Variants in TAFA5 observed in about 807,000 individuals in gnomAD.
TAFA5 encodes the protein TAFA chemokine like family member 5.
TAFA5 carries 6 observed loss-of-function variants against 15.3 expected under a neutral mutation model. That is an observed-to-expected ratio of 0.39 (90% CI 0.21 to 0.77). The LOEUF (loss-of-function observed/expected upper bound fraction) is 0.77, where lower values mean the gene tolerates loss of function less well. Among genes scored for constraint, TAFA5 ranks in the 30% least tolerant of loss-of-function variants. The probability of loss-of-function intolerance (pLI) is 0.41; values close to 1 mark genes in which losing one functional copy is unlikely to be tolerated. For missense variants in TAFA5, 161 were observed against 193.1 expected, an observed-to-expected ratio of 0.83 and a Z score of 0.98; for synonymous variants, 103 against 80.7, an observed-to-expected ratio of 1.28 and a Z score of -1.48.
At chr22:48,622,894 C>G (rs1192909568) in intron 1 of TAFA5, among the ~76,000 whole-genome samples, 1 of 152,252 alleles carries the variant, frequency 6.6e-6, no homozygotes, top group Non-Finnish European at 1.5e-5. Context: ...ACCTTCCCAC[C>G]TGGGACTGCC....
chr22:48,700,048 C>T (rs981084640), intron 2 of TAFA5, among the ~76,000 whole-genome samples: 6 of 151,636 alleles, frequency 4.0e-5, no homozygotes, highest in Non-Finnish European at 7.4e-5. Flanking sequence ...ACACCATATA[C>T]ACACACACAC....
At chr22:48,551,801 G>A (rs974307023) in intron 1 of TAFA5, among the ~76,000 whole-genome samples, 5 of 152,168 alleles carry the variant, frequency 3.3e-5, no homozygotes, top group Admixed American at 2.0e-4. Flanking sequence ...CAGGAGAGCC[G>A]CACCTCTGCC....
At chr22:48,537,961 G>A (rs964781706) in intron 1 of TAFA5, among the ~76,000 whole-genome samples, 3 of 152,304 alleles carry the variant, frequency 2.0e-5, no homozygotes, top group East Asian at 3.9e-4. Context: ...TTTGGCGTGG[G>A]GATGCCATGG....
intron 2 of TAFA5, among the ~76,000 whole-genome samples, chr22:48,703,266 G>A (rs1489580239): frequency 1.3e-5 from 2 of 152,134 alleles, no homozygotes; most frequent in East Asian, 3.9e-4. Context: ...GCCAGGCATG[G>A]CAGCTACAGC....
intron 2 of TAFA5, among the ~76,000 whole-genome samples, chr22:48,651,793 C>T (rs929965795): frequency 2.0e-5 from 3 of 152,182 alleles, no homozygotes; most frequent in Non-Finnish European, 4.4e-5. Flanking sequence ...GTCCACAGCC[C>T]TGTCCTCATC....
At chr22:48,497,410 T>A (rs578122243) in intron 1 of TAFA5, among the ~76,000 whole-genome samples, 120 of 152,148 alleles carry the variant, frequency 7.9e-4, no homozygotes, top group African/African-American at 2.7e-3. Context: ...AAGACGGCAT[T>A]TCCGCCTCAG....
intron 1 of TAFA5, among the ~76,000 whole-genome samples, chr22:48,577,302 T>TC (rs1464941426): frequency 6.6e-6 from 1 of 152,096 alleles, no homozygotes; most frequent in Non-Finnish European, 1.5e-5. Context: ...TGATGGGCGG[T>TC]CGGTCGGCTC....
intron 1 of TAFA5, among the ~76,000 whole-genome samples, chr22:48,644,761 G>A (rs1442378106): frequency 6.6e-6 from 1 of 152,222 alleles, no homozygotes; most frequent in Admixed American, 6.5e-5. Context: ...CACCCAGGCT[G>A]TAGAAACGGC....
chr22:48,495,805 C>T (rs1034269488), intron 1 of TAFA5, among the ~76,000 whole-genome samples: 11 of 152,304 alleles, frequency 7.2e-5, no homozygotes, highest in Non-Finnish European at 1.3e-4. Context: ...CCCTCCTCCC[C>T]GGCTCTCACC....
chr22:48,493,828 G>C (rs908760290), intron 1 of TAFA5, among the ~76,000 whole-genome samples: 7 of 152,246 alleles, frequency 4.6e-5, no homozygotes, highest in Admixed American at 3.3e-4. Flanking sequence ...AGGGACCCCT[G>C]GGGGAAGGGA....
intron 1 of TAFA5, among the ~76,000 whole-genome samples, chr22:48,595,747 A>G (rs1027128135): frequency 2.0e-5 from 3 of 152,278 alleles, no homozygotes; most frequent in African/African-American, 7.2e-5. Flanking sequence ...GTGTCTACAC[A>G]GGGCCACGCT....
intron 2 of TAFA5, among the ~76,000 whole-genome samples, chr22:48,672,046 G>T (rs1394611510): frequency 1.3e-5 from 2 of 152,334 alleles, no homozygotes; most frequent in South Asian, 2.1e-4. Context: ...CTGCTTCAGG[G>T]ATCAGAGATG....
chr22:48,692,006 G>A (rs763261349), intron 2 of TAFA5, among the ~76,000 whole-genome samples: 5 of 152,144 alleles, frequency 3.3e-5, no homozygotes, highest in Non-Finnish European at 7.4e-5. Context: ...CAGCTCCTAG[G>A]GCAGGAACAC....
At chr22:48,700,139 A>C (rs130124) in intron 2 of TAFA5, among the ~76,000 whole-genome samples, 93,583 of 151,660 alleles carry the variant, frequency 0.62, 29,638 homozygotes, top group African/African-American at 0.76. Flanking sequence ...ACTGTGCTGG[A>C]TTTGGTCACA....
chr22:48,502,799 G>A (rs890932600), intron 1 of TAFA5, among the ~76,000 whole-genome samples: 3 of 152,118 alleles, frequency 2.0e-5, no homozygotes, highest in Non-Finnish European at 4.4e-5. Flanking sequence ...TGAGATTACA[G>A]GCATGAGCCA....
intron 3 of TAFA5, among the ~76,000 whole-genome samples, chr22:48,740,953 C>T (rs745569284): frequency 6.6e-6 from 1 of 152,132 alleles, no homozygotes; most frequent in African/African-American, 2.4e-5. Context: ...TCTGCCTCCT[C>T]GCAGGGCCCC....
chr22:48,592,177 C>A (rs1185559200), intron 1 of TAFA5, among the ~76,000 whole-genome samples: 1 of 152,198 alleles, frequency 6.6e-6, no homozygotes, highest in Non-Finnish European at 1.5e-5. Flanking sequence ...ATGGTGCTGA[C>A]CCTGTGCCAG....
chr22:48,736,838 T>C (rs6010505), intron 3 of TAFA5, among the ~76,000 whole-genome samples: 8,666 of 152,182 alleles, frequency 0.057, 827 homozygotes, highest in African/African-American at 0.2. Context: ...AGGACGGAGA[T>C]GGGGAGTGGT....
At chr22:48,737,104 G>T (rs183584398) in intron 3 of TAFA5, among the ~76,000 whole-genome samples, 183 of 152,174 alleles carry the variant, frequency 1.2e-3, no homozygotes, top group African/African-American at 4.3e-3. Flanking sequence ...GGGCTGCCCT[G>T]GCAAGACCAC....
Sources: allele counts gnomAD v4.1 joint callset (sites outside exome capture counted in the v4.1 genomes callset), GRCh38; gene constraint gnomAD v4.1.1; transcripts MANE v1.5; gene names NCBI Gene and HGNC (gene_info 2026-07-23, HGNC 2026-07-21).